RASAL1: variants seen among roughly 807,000 people sequenced by gnomAD.
RASAL1 encodes the protein RAS protein activator like 1.
Under a neutral mutation model 96.6 loss-of-function variants are expected in RASAL1, and 72 were observed. That is an observed-to-expected ratio of 0.75 (90% CI 0.62 to 0.91). The LOEUF (loss-of-function observed/expected upper bound fraction) is 0.91. Among genes scored for constraint, RASAL1 ranks in the 40% least tolerant of loss-of-function variants. RASAL1 has a pLI of 0.00. For missense variants in RASAL1, 1,016 were observed against 1,072.5 expected, an observed-to-expected ratio of 0.95 and a Z score of 0.74; for synonymous variants, 405 against 430.4, an observed-to-expected ratio of 0.94 and a Z score of 0.73.
At chr12:113,131,786 G>C (rs554590102) in intron 1 of RASAL1, among the ~76,000 whole-genome samples, 2 of 152,170 alleles carry the variant, frequency 1.3e-5, no homozygotes, top group African/African-American at 4.8e-5. Flanking sequence ...CAGCCTCAGG[G>C]CCTTTGCACC....
chr12:113,111,456 G>C (rs1307184579), intron 13 of RASAL1, among the ~76,000 whole-genome samples: 1 of 152,122 alleles, frequency 6.6e-6, no homozygotes, highest in Non-Finnish European at 1.5e-5. Flanking sequence ...CGTAAAATGG[G>C]AATAATCCTG....
At chr12:113,109,195 T>A (rs988306813) in intron 13 of RASAL1, among the ~76,000 whole-genome samples, 5 of 152,068 alleles carry the variant, frequency 3.3e-5, no homozygotes, top group African/African-American at 1.2e-4. Context: ...ATTTGAACTC[T>A]CTGTTCTTCA....
rs1951886395 is a variant in RASAL1 at position 113,135,643 on chromosome 12, G to C, written c.-181C>G. The C allele has an allele frequency of 1.7e-6, 1 of 602,732 alleles. No homozygotes were observed. The highest frequency in any genetic ancestry group is 2.8e-5 in the Admixed American group (1 of 35,768). 37.3% of individuals were successfully genotyped at this position (602,732 alleles called of 1,614,324 possible). On this transcript the variant is annotated 5_prime_UTR_variant, in exon 1 of 21. Coordinates refer to ENST00000548055, the MANE Select transcript of RASAL1 (RefSeq NM_001301202.2). This position sits in a 1 kb window ranked among gnomAD's most constrained non-coding sequence, Gnocchi z 5.7. ...AAAGAGGAGAAGGTGTAGGTGCCCG[G>C]GGAGGGAGCGCCCGTCCGGACTCTA... is the stretch of plus-strand genomic sequence containing the variant.
At chr12:113,103,909 G>T in intron 18 of RASAL1, 37 bp downstream of exon 18, 7 of 1,543,230 alleles carry the variant, frequency 4.5e-6, no homozygotes, top group Non-Finnish European at 6.1e-6. Flanking sequence ...TTGACGGGTG[G>T]GGAGGGCGGA....
intron 16 of RASAL1, among the ~76,000 whole-genome samples, chr12:113,104,763 A>T (rs1015523779): frequency 1.3e-5 from 2 of 152,164 alleles, no homozygotes; most frequent in Non-Finnish European, 2.9e-5. Flanking sequence ...CGGCCTCCCA[A>T]AGTGCTGGGA....
At chr12:113,111,550 A>C (rs998614552) in intron 13 of RASAL1, among the ~76,000 whole-genome samples, 1 of 152,160 alleles carries the variant, frequency 6.6e-6, no homozygotes, top group African/African-American at 2.4e-5. Flanking sequence ...GACCATGGTC[A>C]GGCTACATAG....
At chr12:113,102,511 T>C (rs968539792) in intron 18 of RASAL1, among the ~76,000 whole-genome samples, 2 of 152,176 alleles carry the variant, frequency 1.3e-5, no homozygotes, top group African/African-American at 2.4e-5. Flanking sequence ...TGAGCTAAGA[T>C]TGCACCAGTG....
rs1157086976 is a variant in RASAL1 at position 113,119,414 on chromosome 12, G to A, written c.458C>T (p.Thr153Ile). 1.2e-6 allele frequency: 2 copies of A among 1,609,218 alleles called. No individual in the cohort carries two copies. The highest frequency in any genetic ancestry group is 1.1e-5 in the South Asian group (1 of 90,144). The change falls in exon 6 of 21, where the codon ACA becomes ATA. Residue 153 changes from threonine to isoleucine, a missense_variant. Coordinates refer to ENST00000548055, the MANE Select transcript of RASAL1 (RefSeq NM_001301202.2). ...AAACACACGTGCAAATGGGTCAGAT[G>A]TGCCAGAGATGTCTCTGGGAGCCAG... Reference protein sequence around the residue: ...RDLAPRDISGTSDPFARVFWG... With the variant: ...RDLAPRDISGISDPFARVFWG...
chr12:113,121,325 G>T (rs1327603626), intron 5 of RASAL1, among the ~76,000 whole-genome samples, 184 bp downstream of exon 5: 1 of 152,224 alleles, frequency 6.6e-6, no homozygotes, highest in African/African-American at 2.4e-5. Flanking sequence ...GACTCAACAG[G>T]ATTTTGCCCC....
intron 18 of RASAL1, 96 bp downstream of exon 18, chr12:113,103,850 T>C (rs1444492103): frequency 3.3e-6 from 5 of 1,501,198 alleles, no homozygotes; most frequent in Non-Finnish European, 4.5e-6. Context: ...GTTGAGTAAC[T>C]TGCCCAAGGT....
At chr12:113,122,827 A>G (rs1473986613) in intron 4 of RASAL1, among the ~76,000 whole-genome samples, 1 of 152,120 alleles carries the variant, frequency 6.6e-6, no homozygotes, top group Non-Finnish European at 1.5e-5. Context: ...TTTTTGTTAT[A>G]ATTTTTGCCT....
At chr12:113,103,923 T>C (rs1199397800) in intron 18 of RASAL1, 23 bp downstream of exon 18, 2 of 1,546,016 alleles carry the variant, frequency 1.3e-6, no homozygotes, top group African/African-American at 2.7e-5. Context: ...GGGCGGAGCC[T>C]GCAGTCCGCC....
chr12:113,134,125 G>A (rs1173952415), intron 1 of RASAL1, among the ~76,000 whole-genome samples: 1 of 152,188 alleles, frequency 6.6e-6, no homozygotes, highest in Non-Finnish European at 1.5e-5. Flanking sequence ...GCCTCTGAGG[G>A]GACATCTTAG....
rs763097544 is a variant in RASAL1 at position 113,116,032 on chromosome 12, G to A, written c.751C>T (p.Arg251Ter). The A allele has an allele frequency of 2.2e-5, 35 of 1,595,728 alleles. No individual in the cohort carries two copies. The highest frequency in any genetic ancestry group is 4.0e-5 in the African/African-American group (3 of 74,262). ...EDSGGNLGAL[R>*]VKVRLIEDRV... ...TCCTCAATCAGGCGTACCTTCACTC[G>A]CAGGGCACCCAGGTTCCCCCTGTCC... Residue 251 changes from arginine to a stop codon, truncating the protein, a stop_gained, in exon 9 of 21, where the codon CGA becomes TGA. Coordinates refer to ENST00000548055, the MANE Select transcript of RASAL1 (RefSeq NM_001301202.2). LOFTEE classifies it high-confidence loss of function.
chr12:113,116,146 G>C (rs1951076007), intron 8 of RASAL1, 95 bp from the exon 9 acceptor site: 1 of 983,640 alleles, frequency 1.0e-6, no homozygotes, highest in Non-Finnish European at 1.5e-6. Context: ...AAGGTGGGCA[G>C]ATCACTTGAG....
At chr12:113,111,008 A>G (rs1424158205) in intron 13 of RASAL1, among the ~76,000 whole-genome samples, 1 of 152,234 alleles carries the variant, frequency 6.6e-6, no homozygotes, top group Non-Finnish European at 1.5e-5. Flanking sequence ...CCTATATGGC[A>G]GTGATCCCCT....
intron 18 of RASAL1, 71 bp from the exon 19 acceptor site, chr12:113,102,080 G>T: frequency 6.5e-7 from 1 of 1,542,972 alleles, no homozygotes; most frequent in Non-Finnish European, 8.8e-7. Context: ...CCAGGCATTC[G>T]CCAAGCCGTG....
At chr12:113,121,683 C>G in intron 4 of RASAL1, 45 bp from the exon 5 acceptor site, 1 of 1,599,300 alleles carries the variant, frequency 6.3e-7, no homozygotes, top group South Asian at 1.1e-5. Flanking sequence ...CTACCATGTA[C>G]TGGGCATTGT....
intron 14 of RASAL1, 114 bp from the exon 15 acceptor site, chr12:113,107,355 GC>G (rs1281132242): frequency 1.5e-5 from 19 of 1,260,534 alleles, no homozygotes; most frequent in Admixed American, 7.9e-5. Flanking sequence ...GGGCACAGTG[GC>G]TCATGCCTGT....
Sources: allele counts gnomAD v4.1 joint callset (sites outside exome capture counted in the v4.1 genomes callset), GRCh38; gene constraint gnomAD v4.1.1; non-coding constraint Gnocchi (gnomAD v3.1); transcripts MANE v1.5; gene names NCBI Gene and HGNC (gene_info 2026-07-23, HGNC 2026-07-21).